Variants in ZFHX3 observed in about 807,000 individuals in gnomAD.
ZFHX3 encodes zinc finger homeobox 3, also known as zinc finger homeobox protein 3.
In ZFHX3, 42 loss-of-function variants were observed where a neutral mutation model predicts 279.1. The ratio of observed to expected loss-of-function variants is 0.15; its 90% CI spans 0.12 to 0.19. The LOEUF is 0.19. Ranked by LOEUF, ZFHX3 falls within the 10% of genes least tolerant of loss-of-function variation. The pLI is 1.00. For missense variants in ZFHX3, 4,981 were observed against 4,754.0 expected, an observed-to-expected ratio of 1.05 and a Z score of -1.40; for synonymous variants, 2,293 against 1,957.8, an observed-to-expected ratio of 1.17 and a Z score of -4.52.
At chr16:73,154,341 T>C (rs1398434661) in intron 5 of ZFHX3, among the ~76,000 whole-genome samples, 1 of 152,202 alleles carries the variant, frequency 6.6e-6, no homozygotes, top group African/African-American at 2.4e-5. Flanking sequence ...AGATCATGTC[T>C]CCCATCTGTT....
In ZFHX3 at chr16:73,312,464, C is replaced by T. The variant is rs891654982; in HGVS notation, c.-1194+5776G>A. 3.3e-5 allele frequency among the ~76,000 whole-genome samples: 5 copies of T among 152,126 alleles called. No homozygotes were observed. The South Asian group carries it at 8.3e-4, about 25-fold the overall frequency. ...GCTAACTTGGGAAGTCATCCAGTCCCGATCACTGACTTAATGATAGTGTGT... is the reference window on the plus strand; with the variant it reads ...GCTAACTTGGGAAGTCATCCAGTCCTGATCACTGACTTAATGATAGTGTGT... On this transcript the variant is annotated intron_variant, in intron 4 of 17. Transcript: ENST00000641206.
At chr16:73,026,043 T>C (rs950353230) in intron 1 of ZFHX3, among the ~76,000 whole-genome samples, 8 of 151,832 alleles carry the variant, frequency 5.3e-5, no homozygotes, top group African/African-American at 1.9e-4. Context: ...CAGTCTCCGA[T>C]AGGCTGAAAT....
intron 1 of ZFHX3, among the ~76,000 whole-genome samples, chr16:72,967,641 G>A (rs1476530766): frequency 6.6e-6 from 1 of 152,000 alleles, no homozygotes; most frequent in Non-Finnish European, 1.5e-5. Context: ...ATACTTCCGG[G>A]AGCGGTGGCT....
At chr16:73,380,567 A>T (rs1405248390) in intron 3 of ZFHX3, among the ~76,000 whole-genome samples, 1 of 152,258 alleles carries the variant, frequency 6.6e-6, no homozygotes, top group Non-Finnish European at 1.5e-5. Context: ...AACTTAGTAA[A>T]GATAGTAAAG....
chr16:73,410,460 T>G (rs2017443636), intron 3 of ZFHX3, among the ~76,000 whole-genome samples: 1 of 152,156 alleles, frequency 6.6e-6, no homozygotes, highest in Admixed American at 6.5e-5. Flanking sequence ...AGAGTACGAT[T>G]GAATTGTTTG....
At chr16:73,694,554 G>A (rs1033344455) in intron 1 of ZFHX3, among the ~76,000 whole-genome samples, 2 of 152,040 alleles carry the variant, frequency 1.3e-5, no homozygotes, top group Non-Finnish European at 2.9e-5. Flanking sequence ...ATATTGGCCA[G>A]GCTGGTCTTG....
intron 2 of ZFHX3, among the ~76,000 whole-genome samples, chr16:73,543,097 G>A (rs144961494): frequency 0.021 from 3,214 of 152,224 alleles, 65 homozygotes; most frequent in South Asian, 0.085. Context: ...GGCTCGGCTC[G>A]GGCAGGTATG....
intron 4 of ZFHX3, among the ~76,000 whole-genome samples, chr16:73,260,783 A>G (rs1284313061): frequency 6.8e-6 from 1 of 147,780 alleles, no homozygotes; most frequent in Non-Finnish European, 1.5e-5. Context: ...CCCGGGTTTA[A>G]ACAATTCTCC....
At chr16:72,846,822 G>C (rs549942346) in intron 4 of ZFHX3, among the ~76,000 whole-genome samples, 9 of 152,320 alleles carry the variant, frequency 5.9e-5, no homozygotes, top group African/African-American at 1.9e-4. Flanking sequence ...TGGCAGGGGT[G>C]GGGGTAGAGC....
At chr16:73,136,505 C>T (rs1966796432) in intron 6 of ZFHX3, among the ~76,000 whole-genome samples, 1 of 152,086 alleles carries the variant, frequency 6.6e-6, no homozygotes, top group Non-Finnish European at 1.5e-5. Context: ...AGACAGATCA[C>T]TTGAGGTCAG....
rs150546741 is a variant in ZFHX3 at position 73,503,028 on chromosome 16, T to C, written c.-1546-46770A>G. On this transcript the variant is annotated intron_variant, in intron 2 of 17. Coordinates refer to the ZFHX3 transcript ENST00000641206. ...CGTGATGGGATGATCAGTCCCATTATGTTGTGCTCACTCGGAACTGCAGGC... is the reference window on the plus strand; with the variant it reads ...CGTGATGGGATGATCAGTCCCATTACGTTGTGCTCACTCGGAACTGCAGGC... 3.1e-3 allele frequency among the ~76,000 whole-genome samples: 475 copies of C among 152,350 alleles called. 3 individuals are homozygous for C. Among genetic ancestry groups the C allele is most frequent in the African/African-American group, 0.011 (448 of 41,596 alleles).
chr16:73,548,109 G>A (rs779101006), intron 2 of ZFHX3, among the ~76,000 whole-genome samples: 4 of 152,154 alleles, frequency 2.6e-5, no homozygotes, highest in Non-Finnish European at 5.9e-5. Flanking sequence ...ATCCCTCCTT[G>A]ATTTTTCTGC....
intron 8 of ZFHX3, among the ~76,000 whole-genome samples, chr16:73,085,985 C>CAAAAAAAAAAAAAAAAA (rs57128744): frequency 2.8e-4 from 15 of 54,188 alleles, no homozygotes; most frequent in Admixed American, 4.1e-4. Context: ...AACTCAATTG[C>CAAAAAAAAAAAAAAAAA]AAAAAAAAAA....
intron 1 of ZFHX3, among the ~76,000 whole-genome samples, chr16:73,730,315 A>G (rs2053557977): frequency 6.8e-6 from 1 of 146,464 alleles, no homozygotes; most frequent in African/African-American, 2.5e-5. Flanking sequence ...CAACAAAATC[A>G]CTCAATGATC....
At chr16:73,777,592 C>T (rs547913799) in intron 1 of ZFHX3, among the ~76,000 whole-genome samples, 5 of 147,614 alleles carry the variant, frequency 3.4e-5, no homozygotes, top group African/African-American at 9.9e-5. Flanking sequence ...ATTTCTACTA[C>T]ATACATGACA....
intron 1 of ZFHX3, among the ~76,000 whole-genome samples, chr16:73,729,351 AC>A (rs1349763057): frequency 1.3e-5 from 2 of 152,164 alleles, no homozygotes; most frequent in Non-Finnish European, 2.9e-5. Context: ...ACATGGTGAA[AC>A]CCTGCCTCCA....
At chr16:73,745,734 T>G (rs2053697513) in intron 1 of ZFHX3, among the ~76,000 whole-genome samples, 1 of 152,192 alleles carries the variant, frequency 6.6e-6, no homozygotes, top group Admixed American at 6.5e-5. Flanking sequence ...CCTGTCTAAA[T>G]TATTGTCTTC....
At chr16:73,774,732 G>C (rs1346881965) in intron 1 of ZFHX3, among the ~76,000 whole-genome samples, 2 of 152,190 alleles carry the variant, frequency 1.3e-5, no homozygotes, top group Non-Finnish European at 2.9e-5. Flanking sequence ...CGGTTTATCA[G>C]TCAGACAACG....
At chr16:73,063,881 G>A (rs965029072), upstream of ZFHX3, among the ~76,000 whole-genome samples, 2 of 152,124 alleles carry the variant, frequency 1.3e-5, no homozygotes, top group Admixed American at 1.3e-4. Context: ...GTGTTTCTAG[G>A]GTTTTTTCAC....
Sources: allele counts gnomAD v4.1 joint callset (sites outside exome capture counted in the v4.1 genomes callset), GRCh38; gene constraint gnomAD v4.1.1; transcripts MANE v1.5; gene names NCBI Gene and HGNC (gene_info 2026-07-23, HGNC 2026-07-21).